The following POLI variants were observed in gnomAD, a reference collection of about 807,000 sequenced individuals.
POLI encodes the protein DNA polymerase iota, also known as RAD30 homolog B.
POLI carries 58 observed loss-of-function variants against 51.6 expected under a neutral mutation model. That is an observed-to-expected ratio of 1.12 (90% CI 0.91 to 1.40). The LOEUF (loss-of-function observed/expected upper bound fraction) is 1.40, where lower values mean the gene tolerates loss of function less well. Ranked by LOEUF, POLI falls within the 40% of genes most tolerant of loss-of-function variation. POLI has a pLI of 0.00. For missense variants in POLI, 921 were observed against 871.3 expected, an observed-to-expected ratio of 1.06 and a Z score of -0.72; for synonymous variants, 322 against 299.7, an observed-to-expected ratio of 1.07 and a Z score of -0.77.
chr18:54,272,316 G>A (rs1287446518), intron 2 of POLI: 1 of 152,174 alleles, frequency 6.6e-6, no homozygotes, highest in East Asian at 1.9e-4. Context: ...TTTTTCTCCT[G>A]AAGGCATTTC....
intron 3 of POLI, among the ~76,000 whole-genome samples, chr18:54,303,510 C>A (rs1443992460): frequency 6.6e-6 from 1 of 152,090 alleles, no homozygotes; most frequent in African/African-American, 2.4e-5. Flanking sequence ...GCTGACTACT[C>A]ACATGCTGGC....
chr18:54,307,389 C>T (rs926419434), intron 3 of POLI, among the ~76,000 whole-genome samples: 5 of 152,110 alleles, frequency 3.3e-5, no homozygotes, highest in East Asian at 3.8e-4. Context: ...GGTAGTTGTG[C>T]GGTTTTGAGT....
At chr18:54,290,212 A>G (rs1296464216) in intron 8 of POLI, among the ~76,000 whole-genome samples, 1 of 152,268 alleles carries the variant, frequency 6.6e-6, no homozygotes, top group African/African-American at 2.4e-5. Context: ...TATGCTGCCA[A>G]CAGACATATG....
At chr18:54,303,367 G>A (rs1347494650) in intron 3 of POLI, among the ~76,000 whole-genome samples, 2 of 152,072 alleles carry the variant, frequency 1.3e-5, no homozygotes, top group African/African-American at 2.4e-5. Flanking sequence ...TTCTTACACT[G>A]TCTGTGTTAA....
At chr18:54,299,529 A>C (rs1461347313), downstream of POLI, among the ~76,000 whole-genome samples, 1 of 152,228 alleles carries the variant, frequency 6.6e-6, no homozygotes, top group Non-Finnish European at 1.5e-5. Flanking sequence ...AATTAACAGC[A>C]GATACTGCTG....
At chr18:54,276,790 A>G (rs2087260677) in intron 3 of POLI, among the ~76,000 whole-genome samples, 1 of 152,218 alleles carries the variant, frequency 6.6e-6, no homozygotes, top group Admixed American at 6.5e-5. Context: ...TCAACAAAAC[A>G]AAAAAGCACC....
chr18:54,298,205 C>A lies in POLI; in HGVS notation c.*3738C>A. The A allele has an allele frequency of 3.7e-6, 1 of 273,848 alleles. No homozygotes were observed. The highest frequency in any genetic ancestry group is 5.6e-6 in the Non-Finnish European group (1 of 179,416). The allele number at this position is 273,848 out of a possible 1,614,324, so 17.0% of individuals were successfully genotyped here. A position where few individuals can be genotyped will look rare whatever the true frequency, so the allele number is the denominator to read the frequency against. On this transcript the variant is annotated 3_prime_UTR_variant, in exon 10 of 10. Transcript: ENST00000579534. ...GTAATTGTAACAACTATGTAACTGT[C>A]CAAGTCAAGAAATAAAACATATCAA...
chr18:54,305,370 G>C (rs1436456542), intron 3 of POLI, among the ~76,000 whole-genome samples: 1 of 152,154 alleles, frequency 6.6e-6, no homozygotes, highest in South Asian at 2.1e-4. Flanking sequence ...CCATTTTCAC[G>C]ATATTGATTC....
In POLI at chr18:54,292,021, T is replaced by C. The variant is rs777260512; in HGVS notation, c.1387T>C (p.Ser463Pro). Residue 463 changes from serine (S) to proline (P), a missense_variant, in exon 9 of 10, where the codon TCT becomes CCT. Physicochemically the swap from Ser to Pro is moderately conservative, Grantham distance 74 (BLOSUM62 -1). Transcript: ENST00000579534. ...GCCATCATTATCAACTACTTCACGC[T>C]CTGGCAAGCACAGTTTTGTAAGTAC... ...LMPSLSTTSR[S>P]GKHSFKMKDT... The C allele has an allele frequency of 4.1e-5, 66 of 1,603,794 alleles. No homozygotes were observed. In the East Asian group the frequency reaches 1.5e-3, roughly 36 times the overall value.
At chr18:54,286,949 A>AG (rs1448553320) in intron 7 of POLI, among the ~76,000 whole-genome samples, 1 of 152,146 alleles carries the variant, frequency 6.6e-6, no homozygotes, top group East Asian at 1.9e-4. Context: ...ATCTCAAAAA[A>AG]AAAAAAATTG....
chr18:54,291,968 A>C lies in POLI; in HGVS notation c.1334A>C (p.Lys445Thr), dbSNP rs376941412. The change falls in exon 9 of 10, where the codon AAG becomes ACG. Residue 445 changes from lysine (K) to threonine (T), a missense_variant. By Grantham distance (78) the Lys-to-Thr change is moderately conservative (BLOSUM62 -1). Transcript: ENST00000579534. ...FCNLKALNTA[K>T]KGLIDYYLMP... ...AACCTTAAAGCACTAAATACTGCTA[A>C]GAAAGGGCTTATTGATTATTATTTA... 3.1e-6 allele frequency: 5 copies of C among 1,611,854 alleles called. No individual in the cohort carries two copies. Among genetic ancestry groups the C allele is most frequent in the African/African-American group, 1.3e-5 (1 of 74,972 alleles).
At chr18:54,289,467 G>A (rs949773639) in intron 8 of POLI, among the ~76,000 whole-genome samples, 2 of 151,802 alleles carry the variant, frequency 1.3e-5, no homozygotes, top group African/African-American at 4.8e-5. Flanking sequence ...CACAGAATTG[G>A]AAAAAAATAC....
At chr18:54,302,386 T>TA (rs540535831), downstream of POLI, among the ~76,000 whole-genome samples, 12 of 152,106 alleles carry the variant, frequency 7.9e-5, no homozygotes, top group South Asian at 2.5e-3. Flanking sequence ...TAGAGGAGAG[T>TA]AAAAAAAGAG....
In POLI at chr18:54,297,710, T is replaced by C; in HGVS notation, c.*3243T>C. 1 of 970,218 alleles carries C rather than the reference T, an allele frequency of 1.0e-6. No homozygotes were observed. The highest frequency in any genetic ancestry group is 1.2e-6 in the Non-Finnish European group (1 of 816,026). The allele number at this position is 970,218 out of a possible 1,614,324, so 60.1% of individuals were successfully genotyped here. A position where few individuals can be genotyped will look rare whatever the true frequency, so the allele number is the denominator to read the frequency against. ...TGTTACAAGTCCTTTTGATTATCCT[T>C]AAACATCTAAAAATGCTACCCTCTT... is the stretch of plus-strand genomic sequence containing the variant. On this transcript the variant is annotated 3_prime_UTR_variant, in exon 10 of 10. Transcript: ENST00000579534.
chr18:54,313,686 A>G (rs2088698122), intron 3 of POLI, among the ~76,000 whole-genome samples: 2 of 152,188 alleles, frequency 1.3e-5, no homozygotes, highest in South Asian at 4.1e-4. Context: ...GCTTATGTGT[A>G]TTCCTAGGCA....
At chr18:54,279,019 T>C (rs2087375109) in intron 4 of POLI, among the ~76,000 whole-genome samples, 1 of 152,232 alleles carries the variant, frequency 6.6e-6, no homozygotes, top group Non-Finnish European at 1.5e-5. Flanking sequence ...TTAAAAGGGC[T>C]AACTAGCAAG....
At position 54,296,170 on chromosome 18, in the gene POLI, A is replaced by G; in HGVS notation, c.*1703A>G. Reference sequence around the variant, plus strand: ...TATATAACTTTTTGTAAATCATTAAAACATTTTATAGTCCTTGTAATGATT... The same window carrying G: ...TATATAACTTTTTGTAAATCATTAAGACATTTTATAGTCCTTGTAATGATT... On this transcript the variant is annotated 3_prime_UTR_variant, in exon 10 of 10. Transcript: ENST00000579534. 2.0e-6 allele frequency: 2 copies of G among 984,712 alleles called. No homozygotes were observed. Among genetic ancestry groups the G allele is most frequent in the Non-Finnish European group, 2.4e-6 (2 of 829,284 alleles). The allele number at this position is 984,712 out of a possible 1,614,324, so 61.0% of individuals were successfully genotyped here.
Position 54,283,973 on chromosome 18 carries a change from A to G in POLI, c.1027A>G (p.Lys343Glu), listed in dbSNP as rs887248370. Residue 343 changes from lysine to glutamate, a missense_variant, in exon 7 of 10, where the codon AAA becomes GAA. Coordinates refer to ENST00000579534, the MANE Select transcript of POLI (RefSeq NM_007195.3). Reference sequence around the variant, plus strand: ...AAAATGTTCATCTGAAGTTGAAGCTAAAAATAAGATTGAAGAACTACTTGC... The same window carrying G: ...AAAATGTTCATCTGAAGTTGAAGCTGAAAATAAGATTGAAGAACTACTTGC... ...FKKCSSEVEA[K>E]NKIEELLASL... The G allele has an allele frequency of 1.3e-6, 2 of 1,493,266 alleles. No homozygotes were observed. The allele number at this position is 1,493,266 out of a possible 1,614,324, so 92.5% of individuals were successfully genotyped here. A position where few individuals can be genotyped will look rare whatever the true frequency, so the allele number is the denominator to read the frequency against.
intron 9 of POLI, 90 bp downstream of exon 9, chr18:54,292,128 A>T (rs562514801): frequency 1.3e-6 from 1 of 796,166 alleles, no homozygotes; most frequent in African/African-American, 1.7e-5. Context: ...TGTCTTTTTG[A>T]TATAGTTTAG....
Sources: gnomAD v4.1 joint callset for allele counts (sites outside exome capture counted in the v4.1 genomes callset) on GRCh38, gnomAD v4.1.1 for gene constraint, MANE v1.5 for transcripts, NCBI Gene and HGNC (gene_info 2026-07-23, HGNC 2026-07-21) for gene names.